PCDHA2: variants seen among roughly 807,000 people sequenced by gnomAD.
PCDHA2 encodes protocadherin alpha 2.
In PCDHA2, 58 loss-of-function variants were observed where a neutral mutation model predicts 66.0. The observed-to-expected ratio is 0.88, with a 90% CI of 0.71 to 1.09. The LOEUF is 1.09. Among genes scored for constraint, PCDHA2 ranks in the 50% least tolerant of loss-of-function variants. The probability of loss-of-function intolerance (pLI) is 0.00; values close to 1 mark genes in which losing one functional copy is unlikely to be tolerated. For synonymous variants in PCDHA2, 634 were observed against 554.0 expected (o/e 1.14, Z -2.03); for missense variants, 1,267 against 1,242.3 (o/e 1.02, Z -0.30).
intron 1 of PCDHA2, among the ~76,000 whole-genome samples, chr5:140,925,094 G>A (rs1489905457): frequency 6.6e-6 from 1 of 151,188 alleles, no homozygotes; most frequent in Non-Finnish European, 1.5e-5. Flanking sequence ...AGGAAGGAAG[G>A]AAGGAAGGAA....
chr5:140,928,843 A>T (rs782153694), intron 1 of PCDHA2: 3 of 1,614,018 alleles, frequency 1.9e-6, no homozygotes, highest in Non-Finnish European at 2.5e-6. Flanking sequence ...CTCCTCTGTC[A>T]CTCTGGGTGT....
chr5:140,967,691 A>G (rs1586235214), intron 1 of PCDHA2: 1 of 1,614,162 alleles, frequency 6.2e-7, no homozygotes, highest in East Asian at 2.2e-5. Flanking sequence ...GCAGCTCTTC[A>G]GCATAGATGC....
At chr5:140,970,948 C>T (rs1339410112) in intron 1 of PCDHA2, among the ~76,000 whole-genome samples, 1 of 152,114 alleles carries the variant, frequency 6.6e-6, no homozygotes, top group Non-Finnish European at 1.5e-5. Context: ...TGCTGAGAAA[C>T]CATGGGAGGC....
chr5:140,924,293 C>T (rs2081770008), intron 1 of PCDHA2, among the ~76,000 whole-genome samples: 1 of 152,192 alleles, frequency 6.6e-6, no homozygotes, highest in African/African-American at 2.4e-5. Context: ...AATAGGCTGA[C>T]ATGTTTCCTC....
rs536640692 is a variant in PCDHA2 at position 140,927,687 on chromosome 5, T to TG, written c.2389-51258dup. ...CCTTGGATCCAGATGAAGGGTCCAATGGGGAAGTCCAGTACTCCCTAAGCA... is the reference window on the plus strand; with the variant it reads ...CCTTGGATCCAGATGAAGGGTCCAATGGGGGAAGTCCAGTACTCCCTAAGCA... On this transcript the variant is annotated intron_variant, in intron 1 of 3. Coordinates refer to ENST00000526136, the MANE Select transcript of PCDHA2 (RefSeq NM_018905.3). The TG allele has an allele frequency of 3.2e-4, 518 of 1,614,158 alleles. 3 individuals carry two copies. In the Middle Eastern group the frequency reaches 0.011, roughly 35 times the overall value.
Position 140,853,606 on chromosome 5 carries a change from G to T in PCDHA2, c.2388+56254G>T. 3.0e-6 allele frequency: 3 copies of T among 987,448 alleles called. 1 individual carries two copies. The highest frequency in any genetic ancestry group is 3.7e-6 in the Non-Finnish European group (3 of 819,684). The allele number at this position is 987,448 out of a possible 1,614,324, so 61.2% of individuals were successfully genotyped here. A position where few individuals can be genotyped will look rare whatever the true frequency, so the allele number is the denominator to read the frequency against. On this transcript the variant is annotated intron_variant, in intron 1 of 3. Coordinates refer to ENST00000526136, the MANE Select transcript of PCDHA2 (RefSeq NM_018905.3). ...CTTAGACACTTTGAGAGCAAAGGGG[G>T]TGCTGTAAATAAGTATACAAGATCA...
chr5:140,824,610 G>GTTGTTTTTTT (rs1768193318), intron 1 of PCDHA2: 1 of 95,112 alleles, frequency 1.1e-5, no homozygotes, highest in African/African-American at 4.9e-5. Flanking sequence ...GCTAATTAAA[G>GTTGTTTTTTT]TTTTTTTTTT....
chr5:140,809,476 C>A (rs781791208), intron 1 of PCDHA2: 2 of 1,614,220 alleles, frequency 1.2e-6, no homozygotes, highest in Non-Finnish European at 1.7e-6. Flanking sequence ...CTGGTGAGGG[C>A]CCACCCAAGA....
intron 3 of PCDHA2, among the ~76,000 whole-genome samples, chr5:140,994,709 A>C (rs1436733940): frequency 6.6e-6 from 1 of 152,166 alleles, no homozygotes; most frequent in Non-Finnish European, 1.5e-5. Flanking sequence ...TGTCTCAAAA[A>C]AAAATTTAAA....
chr5:140,969,863 C>A (rs1305470999), intron 1 of PCDHA2, among the ~76,000 whole-genome samples: 1 of 152,156 alleles, frequency 6.6e-6, no homozygotes, highest in Non-Finnish European at 1.5e-5. Context: ...CTGGTACTTG[C>A]ACTGAACCTA....
At chr5:140,923,185 A>G (rs536691139) in intron 1 of PCDHA2, among the ~76,000 whole-genome samples, 1 of 152,324 alleles carries the variant, frequency 6.6e-6, no homozygotes, top group East Asian at 1.9e-4. Flanking sequence ...AGATGCATCT[A>G]CTGCAGCAAT....
At chr5:140,808,237 G>T in intron 1 of PCDHA2, 1 of 1,614,216 alleles carries the variant, frequency 6.2e-7, no homozygotes, top group South Asian at 1.1e-5. Context: ...TCCCAGATTT[G>T]GAATTCAAGT....
At chr5:140,978,499 T>A (rs1178288273) in intron 1 of PCDHA2, among the ~76,000 whole-genome samples, 1 of 152,238 alleles carries the variant, frequency 6.6e-6, no homozygotes, top group African/African-American at 2.4e-5. Flanking sequence ...AGCAGCAGAT[T>A]GCAGTCCTCT....
At position 140,883,299 on chromosome 5, in the gene PCDHA2, A is replaced by G. The variant is rs200799645; in HGVS notation, c.2388+85947A>G. 1.4e-5 allele frequency: 22 copies of G among 1,614,110 alleles called. No homozygotes were observed. In the African/African-American group the frequency reaches 2.9e-4, roughly 22 times the overall value. On this transcript the variant is annotated intron_variant, in intron 1 of 3. Coordinates refer to ENST00000526136, the MANE Select transcript of PCDHA2 (RefSeq NM_018905.3). ...CTTTTGGTGGAAGTACTAGATGTAA[A>G]TGATAACGCCCCAGAGGTTACCATC...
intron 1 of PCDHA2, chr5:140,801,213 C>G (rs1482637194): frequency 6.2e-7 from 1 of 1,605,612 alleles, no homozygotes; most frequent in East Asian, 2.2e-5. Flanking sequence ...GTTCTCCTGG[C>G]GAGAAGATCC....
chr5:140,834,240 C>T (rs1209689880), intron 1 of PCDHA2: 2 of 806,998 alleles, frequency 2.5e-6, no homozygotes, highest in Non-Finnish European at 3.9e-6. Flanking sequence ...CATTCCTTTT[C>T]GCACTGGAAA....
At chr5:140,836,199 T>C in intron 1 of PCDHA2, 1 of 1,613,834 alleles carries the variant, frequency 6.2e-7, no homozygotes, top group Admixed American at 1.7e-5. Flanking sequence ...CTACAACGCG[T>C]GGCTTTCGTA....
intron 1 of PCDHA2, chr5:140,823,639 C>G (rs1207505503): frequency 6.2e-7 from 1 of 1,613,894 alleles, no homozygotes; most frequent in South Asian, 1.1e-5. Context: ...CATCCCGTTC[C>G]GCGTGGGGCT....
In PCDHA2 at chr5:140,882,915, A is replaced by G. The variant is rs374032403; in HGVS notation, c.2388+85563A>G. The G allele has an allele frequency of 9.7e-5, 156 of 1,614,110 alleles. No individual in the cohort carries two copies. Among genetic ancestry groups the G allele is most frequent in the Non-Finnish European group, 1.2e-4 (140 of 1,180,046 alleles). ...CATAGTTTATTACTGACAGCCAGTG[A>G]TGGAGGTAAACCCGAGCTGACTGGC... is the stretch of plus-strand genomic sequence containing the variant. On this transcript the variant is annotated intron_variant, in intron 1 of 3. Transcript: ENST00000526136.
Sources: gnomAD v4.1 joint callset for allele counts (sites outside exome capture counted in the v4.1 genomes callset) on GRCh38, gnomAD v4.1.1 for gene constraint, MANE v1.5 for transcripts, NCBI Gene and HGNC (gene_info 2026-07-23, HGNC 2026-07-21) for gene names.